Variants in RERG observed in about 807,000 individuals in gnomAD.
RERG encodes the protein ras-related and estrogen-regulated growth inhibitor.
A neutral mutation model predicts 23.2 loss-of-function variants in RERG; 25 were observed. The observed-to-expected ratio is 1.08, with a 90% CI of 0.79 to 1.50. The LOEUF is 1.50. RERG is among the 40% of genes most tolerant of loss of function. The pLI, the probability that RERG is intolerant of heterozygous loss-of-function variation, is 0.00. For synonymous variants in RERG, 81 were observed against 89.1 expected (o/e 0.91, Z 0.51); for missense variants, 253 against 250.1 (o/e 1.01, Z -0.08).
chr12:15,119,288 G>T (rs1211951706), intron 3 of RERG, among the ~76,000 whole-genome samples: 2 of 152,070 alleles, frequency 1.3e-5, no homozygotes, highest in Admixed American at 1.3e-4. Flanking sequence ...ACTATTAATA[G>T]CAGTTTTTTT....
At position 15,182,844 on chromosome 12, in the gene RERG, G is replaced by C. The variant is rs1591661310; in HGVS notation, c.61+34585C>G. Among the ~76,000 whole-genome samples the C allele has an allele frequency of 3.3e-5, 5 of 152,282 alleles. No homozygotes were observed. In the South Asian group the frequency reaches 1.0e-3, roughly 32 times the overall value. ...AATCCCAGCACTTGGGGAGGCTGAG[G>C]CAGGTGGATCGCTTGAGGCCAGGAG... On this transcript the variant is annotated intron_variant, in intron 2 of 4. Transcript: ENST00000256953.
intron 3 of RERG, 83 bp from the exon 4 acceptor site, chr12:15,111,500 G>A: frequency 9.3e-7 from 1 of 1,070,780 alleles, no homozygotes; most frequent in African/African-American, 1.6e-5. Context: ...AAATGGGCAT[G>A]GGAGAAGTAT....
At chr12:15,161,735 G>C (rs2136114167) in intron 2 of RERG, among the ~76,000 whole-genome samples, 1 of 152,190 alleles carries the variant, frequency 6.6e-6, no homozygotes, top group South Asian at 2.1e-4. Flanking sequence ...TGGTGGTAAA[G>C]ATATATAACT....
chr12:15,113,126 A>G (rs779481473), intron 3 of RERG, among the ~76,000 whole-genome samples: 4 of 152,222 alleles, frequency 2.6e-5, no homozygotes, highest in African/African-American at 9.6e-5. Flanking sequence ...TTCTATCAGT[A>G]TATCAGGGTG....
At chr12:15,110,766 C>A (rs780260805) in intron 4 of RERG, among the ~76,000 whole-genome samples, 7 of 152,066 alleles carry the variant, frequency 4.6e-5, no homozygotes, top group Non-Finnish European at 7.4e-5. Context: ...GTGTGAGCCA[C>A]CGTGCCCAGC....
chr12:15,145,464 G>A (rs1334603813), intron 2 of RERG, among the ~76,000 whole-genome samples: 1 of 152,216 alleles, frequency 6.6e-6, no homozygotes, highest in African/African-American at 2.4e-5. Flanking sequence ...GGATGGCCAG[G>A]CAGATGGATC....
intron 2 of RERG, among the ~76,000 whole-genome samples, chr12:15,195,596 T>TGTGC (rs1865133688): frequency 6.8e-6 from 1 of 146,658 alleles, no homozygotes. Flanking sequence ...TGTGTGTGTG[T>TGTGC]GTGTGCATGT....
Position 15,144,475 on chromosome 12 carries a change from G to A in RERG, c.62-23356C>T, listed in dbSNP as rs138356508. The stretch of plus-strand genomic sequence containing the variant: ...GAGGTAAAAATGAGGGACGGTAATT[G>A]GAAAGTTGAAGTAGGAGGAAAACCA... On this transcript the variant is annotated intron_variant, in intron 2 of 4. Transcript: ENST00000256953. 2.7e-3 allele frequency among the ~76,000 whole-genome samples: 416 copies of A among 152,234 alleles called. 1 individual carries two copies. The highest frequency in any genetic ancestry group is 3.8e-3 in the Non-Finnish European group (260 of 68,006).
At chr12:15,159,839 A>C (rs974205586) in intron 2 of RERG, among the ~76,000 whole-genome samples, 18 of 150,530 alleles carry the variant, frequency 1.2e-4, no homozygotes, top group African/African-American at 2.2e-4. Context: ...AACAAACAAA[A>C]AAATCTTAAT....
chr12:15,148,929 C>T (rs1417400432), intron 2 of RERG, among the ~76,000 whole-genome samples: 2 of 135,670 alleles, frequency 1.5e-5, no homozygotes, highest in Non-Finnish European at 3.1e-5. Flanking sequence ...ACTGCAGTGG[C>T]GCCGTCTCGG....
At chr12:15,124,664 T>C (rs1204186696) in intron 2 of RERG, among the ~76,000 whole-genome samples, 3 of 152,096 alleles carry the variant, frequency 2.0e-5, no homozygotes, top group Non-Finnish European at 4.4e-5. Context: ...GCTATTGCTA[T>C]ATAACAAATC....
chr12:15,202,987 G>A (rs1053371514), intron 2 of RERG, among the ~76,000 whole-genome samples: 2 of 151,586 alleles, frequency 1.3e-5, no homozygotes, highest in African/African-American at 4.8e-5. Context: ...TGCTGTTGCT[G>A]TTTTTATAAC....
chr12:15,108,896 T>A lies in RERG; in HGVS notation c.*214A>T. ...ATTACATGTTCAAATGCCATTAGAG[T>A]GTATCTTATTCAAGCAGGAAAGGAA... is the stretch of plus-strand genomic sequence containing the variant. On this transcript the variant is annotated 3_prime_UTR_variant, in exon 5 of 5. Transcript: ENST00000256953. The A allele has an allele frequency of 4.0e-6, 2 of 505,736 alleles. No individual in the cohort carries two copies. The highest frequency in any genetic ancestry group is 7.2e-5 in the South Asian group (2 of 27,684). 31.3% of individuals were successfully genotyped at this position (505,736 alleles called of 1,614,324 possible).
At chr12:15,191,297 T>C (rs1010872919) in intron 2 of RERG, among the ~76,000 whole-genome samples, 2 of 152,150 alleles carry the variant, frequency 1.3e-5, no homozygotes, top group Admixed American at 1.3e-4. Flanking sequence ...CAGTAAATCC[T>C]TTCTCTCCCT....
chr12:15,192,488 T>C (rs79025348), intron 2 of RERG, among the ~76,000 whole-genome samples: 2,327 of 152,294 alleles, frequency 0.015, 85 homozygotes, highest in African/African-American at 0.054. Context: ...AATACCTTTT[T>C]ATTTTGAGAT....
rs1426807360 is a variant in RERG, at chr12:15,108,210, A to C, written c.*900T>G. Reference sequence around the variant, plus strand: ...AATTTTTCTTACTGTACCTGGCTCAAAGTCTAGACTTCCCAATGGAGGCAT... The same window carrying C: ...AATTTTTCTTACTGTACCTGGCTCACAGTCTAGACTTCCCAATGGAGGCAT... On this transcript the variant is annotated 3_prime_UTR_variant, in exon 5 of 5. Coordinates refer to ENST00000256953, the MANE Select transcript of RERG (RefSeq NM_032918.3). The C allele has an allele frequency of 2.0e-5, 3 of 152,208 alleles. No individual in the cohort carries two copies. The highest frequency in any genetic ancestry group is 4.4e-5 in the Non-Finnish European group (3 of 68,018). The allele number at this position is 152,208 out of a possible 1,614,324, so 9.4% of individuals were successfully genotyped here. A position where few individuals can be genotyped will look rare whatever the true frequency, so the allele number is the denominator to read the frequency against.
At chr12:15,190,492 G>A (rs1414603813) in intron 2 of RERG, among the ~76,000 whole-genome samples, 4 of 152,106 alleles carry the variant, frequency 2.6e-5, no homozygotes, top group African/African-American at 9.7e-5. Context: ...CATTGGTAAT[G>A]GGTTATGTAC....
At chr12:15,181,195 G>A (rs554820722) in intron 2 of RERG, among the ~76,000 whole-genome samples, 2 of 152,222 alleles carry the variant, frequency 1.3e-5, no homozygotes, top group African/African-American at 4.8e-5. Context: ...GGAGGCCCTT[G>A]GAGAGACTGA....
chr12:15,158,275 GT>G (rs1864552083), intron 2 of RERG, among the ~76,000 whole-genome samples: 2 of 151,408 alleles, frequency 1.3e-5, no homozygotes, highest in African/African-American at 2.4e-5. Flanking sequence ...CAGTTCCTCA[GT>G]TTTTTTGTTT....
Sources: allele counts gnomAD v4.1 joint callset (sites outside exome capture counted in the v4.1 genomes callset), GRCh38; gene constraint gnomAD v4.1.1; transcripts MANE v1.5; gene names NCBI Gene and HGNC (gene_info 2026-07-23, HGNC 2026-07-21).